HNF4G: variants seen among roughly 807,000 people sequenced by gnomAD.
The protein encoded by HNF4G is hepatocyte nuclear factor 4-gamma.
HNF4G carries 21 observed loss-of-function variants against 50.9 expected under a neutral mutation model. The observed-to-expected ratio is 0.41, with a 90% CI of 0.29 to 0.59. The LOEUF (loss-of-function observed/expected upper bound fraction) is 0.59, where lower values mean the gene tolerates loss of function less well. Among genes scored for constraint, HNF4G ranks in the 20% least tolerant of loss-of-function variants. The pLI is 0.26. For missense variants in HNF4G, 527 were observed against 559.4 expected, an observed-to-expected ratio of 0.94 and a Z score of 0.58; for synonymous variants, 198 against 185.6, an observed-to-expected ratio of 1.07 and a Z score of -0.54.
upstream of HNF4G, among the ~76,000 whole-genome samples, chr8:75,537,629 A>T (rs142503269): frequency 3.3e-5 from 5 of 152,262 alleles, no homozygotes; most frequent in East Asian, 9.7e-4. Flanking sequence ...AAGTTTAGAC[A>T]ATATTTTGAA....
intron 1 of HNF4G, among the ~76,000 whole-genome samples, chr8:75,429,655 A>G (rs1810961150): frequency 6.6e-6 from 1 of 152,184 alleles, no homozygotes; most frequent in African/African-American, 2.4e-5. Context: ...ACGTTTCATA[A>G]AAGTGTAGTG....
chr8:75,486,088 A>G (rs928343984), intron 1 of HNF4G, among the ~76,000 whole-genome samples: 2 of 152,222 alleles, frequency 1.3e-5, no homozygotes, highest in African/African-American at 4.8e-5. Context: ...TCAGGCCTTA[A>G]TGCCAGACTT....
upstream of HNF4G, among the ~76,000 whole-genome samples, chr8:75,538,627 A>G (rs1806532389): frequency 6.6e-6 from 1 of 152,224 alleles, no homozygotes; most frequent in Non-Finnish European, 1.5e-5. Context: ...TTCTCTAAAA[A>G]CTGAATAACC....
intron 1 of HNF4G, among the ~76,000 whole-genome samples, chr8:75,413,667 G>A (rs1280657671): frequency 1.3e-5 from 2 of 151,858 alleles, no homozygotes; most frequent in Non-Finnish European, 2.9e-5. Context: ...TCAGGAATTT[G>A]AAACCAGCTT....
At chr8:75,511,869 C>T (rs1032396903) in intron 2 of HNF4G, among the ~76,000 whole-genome samples, 3 of 152,318 alleles carry the variant, frequency 2.0e-5, no homozygotes, top group African/African-American at 7.2e-5. Flanking sequence ...TGAGCCACCA[C>T]GCCTGGCCTA....
At chr8:75,504,586 A>T (rs961000350) in intron 2 of HNF4G, among the ~76,000 whole-genome samples, 1 of 152,210 alleles carries the variant, frequency 6.6e-6, no homozygotes, top group Non-Finnish European at 1.5e-5. Context: ...TCTGCAACAC[A>T]TAATGTCATT....
At position 75,559,046 on chromosome 8, in the gene HNF4G, A is replaced by G; in HGVS notation, c.1123+9A>G. The G allele has an allele frequency of 7.1e-7, 1 of 1,406,988 alleles. No homozygotes were observed. Among genetic ancestry groups the G allele is most frequent in the Non-Finnish European group, 1.0e-6 (1 of 991,188 alleles). The allele number at this position is 1,406,988 out of a possible 1,614,324, so 87.2% of individuals were successfully genotyped here. On this transcript the variant is annotated intron_variant, in intron 8 of 9. Coordinates refer to ENST00000396423, the MANE Select transcript of HNF4G (RefSeq NM_004133.5). ...GGAAATGCTATTAGGTGGTGAGTAC[A>G]TTGAATAATTTCTACTTTATTGATT...
At chr8:75,433,275 A>G (rs2130524362) in intron 1 of HNF4G, among the ~76,000 whole-genome samples, 1 of 152,102 alleles carries the variant, frequency 6.6e-6, no homozygotes, top group East Asian at 1.9e-4. Context: ...AGGCATGGTG[A>G]TGTGCACCCA....
At chr8:75,480,717 CTTTCTTTTTT>C (rs1812355798) in intron 1 of HNF4G, among the ~76,000 whole-genome samples, 1 of 123,920 alleles carries the variant, frequency 8.1e-6, no homozygotes, top group Non-Finnish European at 1.6e-5. Context: ...TTTTCTTTTT[CTTTCTTTTTT>C]TTTTTTTTTG....
chr8:75,496,047 G>C (rs1812759191), intron 2 of HNF4G, among the ~76,000 whole-genome samples: 1 of 151,914 alleles, frequency 6.6e-6, no homozygotes, highest in African/African-American at 2.4e-5. Flanking sequence ...ATAATTGAAT[G>C]ACAAAATATC....
At chr8:75,543,737 A>G in intron 1 of HNF4G, 74 bp from the exon 2 acceptor site, 4 of 1,299,458 alleles carry the variant, frequency 3.1e-6, no homozygotes, top group South Asian at 2.7e-5. Flanking sequence ...TTATGAGCCT[A>G]TAAATAATTA....
intron 9 of HNF4G, 84 bp from the exon 10 acceptor site, chr8:75,563,891 A>C (rs560255681): frequency 1.4e-6 from 2 of 1,423,164 alleles, no homozygotes; most frequent in African/African-American, 1.4e-5. Context: ...AATTACGCTA[A>C]TGTGTATTGG....
intron 2 of HNF4G, among the ~76,000 whole-genome samples, chr8:75,490,811 C>T (rs1020287944): frequency 4.6e-5 from 7 of 152,146 alleles, no homozygotes; most frequent in South Asian, 2.1e-4. Context: ...GAGCAGATTG[C>T]GATTGTTCAC....
chr8:75,541,245 C>A, intron 1 of HNF4G, among the ~76,000 whole-genome samples: 1 of 151,990 alleles, frequency 6.6e-6, no homozygotes, highest in East Asian at 1.9e-4. Context: ...AACAAATGTA[C>A]TGAAATAACG....
intron 1 of HNF4G, among the ~76,000 whole-genome samples, chr8:75,477,027 T>A (rs924717583): frequency 5.9e-5 from 9 of 152,248 alleles, no homozygotes; most frequent in Admixed American, 2.0e-4. Flanking sequence ...AACTAAAAAC[T>A]GAGTATTTAG....
chr8:75,493,822 T>C (rs1436625465), intron 2 of HNF4G, among the ~76,000 whole-genome samples: 1 of 152,164 alleles, frequency 6.6e-6, no homozygotes, highest in Non-Finnish European at 1.5e-5. Flanking sequence ...CCTGATTATG[T>C]TTTAATTGTT....
chr8:75,439,252 G>T (rs1164484099), intron 1 of HNF4G, among the ~76,000 whole-genome samples: 1 of 151,902 alleles, frequency 6.6e-6, no homozygotes, highest in East Asian at 1.9e-4. Flanking sequence ...GGGATTACAG[G>T]TGGATGCCAT....
intron 1 of HNF4G, among the ~76,000 whole-genome samples, chr8:75,449,728 C>T (rs532201641): frequency 3.9e-4 from 59 of 151,924 alleles, no homozygotes; most frequent in Non-Finnish European, 6.3e-4. Context: ...CGGATGGTCT[C>T]GATCTCCTGA....
rs1807471608 is a variant in HNF4G, at chr8:75,566,820, CTG to C, written c.*2725_*2726del. 1 of 105,102 alleles carries C rather than the reference CTG, an allele frequency of 9.5e-6. No individual in the cohort carries two copies. Among genetic ancestry groups the C allele is most frequent in the Non-Finnish European group, 1.9e-5 (1 of 52,466 alleles). The allele number at this position is 105,102 out of a possible 1,614,324, so 6.5% of individuals were successfully genotyped here. On this transcript the variant is annotated 3_prime_UTR_variant, in exon 10 of 10. Coordinates refer to ENST00000396423, the MANE Select transcript of HNF4G (RefSeq NM_004133.5). The stretch of plus-strand genomic sequence containing the variant: ...TTTCACTAAACTTTCTAAATAAAAA[CTG>C]AGAAAAAAAAAATCACTGAAACCAG...
Sources: allele counts gnomAD v4.1 joint callset (sites outside exome capture counted in the v4.1 genomes callset), GRCh38; gene constraint gnomAD v4.1.1; transcripts MANE v1.5; gene names NCBI Gene and HGNC (gene_info 2026-07-23, HGNC 2026-07-21).